ZC3H12B: variants seen among roughly 807,000 people sequenced by gnomAD.
ZC3H12B encodes probable ribonuclease ZC3H12B.
Under a neutral mutation model 43.9 loss-of-function variants are expected in ZC3H12B, and 7 were observed. The ratio of observed to expected loss-of-function variants is 0.16; its 90% confidence interval spans 0.09 to 0.30. The LOEUF (loss-of-function observed/expected upper bound fraction) is 0.30. ZC3H12B is among the 10% of genes least tolerant of loss of function. The pLI, the probability that ZC3H12B is intolerant of heterozygous loss-of-function variation, is 1.00. For synonymous variants in ZC3H12B, 222 were observed against 241.7 expected (o/e 0.92, Z 0.76); for missense variants, 475 against 670.2 (o/e 0.71, Z 3.22).
At chrX:65,236,561 A>T in the ZC3H12B span, among the ~76,000 whole-genome samples, 1 of 111,508 alleles carries the variant, frequency 9.0e-6, no homozygotes, top group Non-Finnish European at 1.9e-5. Context: ...ACTAGGTCCC[A>T]TTTGTCAATT....
chrX:65,126,068 A>C, the ZC3H12B span, among the ~76,000 whole-genome samples: 1 of 104,302 alleles, frequency 9.6e-6, no homozygotes, highest in Non-Finnish European at 1.9e-5. Context: ...TTTTTCATTC[A>C]GAACCTTTAA....
the ZC3H12B span, among the ~76,000 whole-genome samples, chrX:65,060,505 T>G: frequency 8.9e-6 from 1 of 112,448 alleles, no homozygotes; most frequent in Non-Finnish European, 1.9e-5. Flanking sequence ...ATTGCACTGA[T>G]TGGTTTGCAT....
chrX:65,150,256 A>G, the ZC3H12B span, among the ~76,000 whole-genome samples: 1 of 111,493 alleles, frequency 9.0e-6, no homozygotes, highest in Admixed American at 9.6e-5. Context: ...ATGAAGCAAT[A>G]TGAACATTAC....
chrX:65,124,173 A>T, the ZC3H12B span, among the ~76,000 whole-genome samples: 1 of 110,473 alleles, frequency 9.1e-6, no homozygotes, highest in Admixed American at 9.7e-5. Flanking sequence ...ATGCTATGCC[A>T]ATTTTGCTGG....
At position 65,394,813 on chromosome X, in the gene ZC3H12B, T is replaced by G. The variant is rs780138419; in HGVS notation, n.296-3780T>G. Among the ~76,000 whole-genome samples, 20 of 112,262 alleles carry G rather than the reference T, an allele frequency of 1.8e-4. 1 individual carries two copies. The South Asian group carries it at 7.4e-3, about 42-fold the overall frequency. On this transcript the variant is annotated intron_variant and non_coding_transcript_variant, in intron 2 of 5. Coordinates refer to the ZC3H12B transcript ENST00000617377. ...TTGGAGAGTATGGCCATTTTCAAGA[T>G]ATTGATTCTTCCTATCCATAAGCAT...
the ZC3H12B span, among the ~76,000 whole-genome samples, chrX:65,116,519 T>C: frequency 9.0e-6 from 1 of 111,101 alleles, no homozygotes; most frequent in Non-Finnish European, 1.9e-5. Flanking sequence ...AAGACTTGCT[T>C]TGGGTATGCA....
chrX:65,369,845 G>A (rs780115887), intron 2 of ZC3H12B, among the ~76,000 whole-genome samples: 9 of 111,822 alleles, frequency 8.0e-5, no homozygotes, highest in Non-Finnish European at 1.3e-4. Context: ...GCAATGCAAG[G>A]TTAATTCTGA....
the ZC3H12B span, among the ~76,000 whole-genome samples, chrX:65,199,997 G>T: frequency 2.7e-5 from 3 of 111,057 alleles, no homozygotes; most frequent in African/African-American, 9.8e-5. Flanking sequence ...AATTTCAAAT[G>T]ATATTTCTGC....
the ZC3H12B span, among the ~76,000 whole-genome samples, chrX:65,291,237 A>T: frequency 1.8e-5 from 2 of 111,400 alleles, no homozygotes; most frequent in South Asian, 7.5e-4. Context: ...CAGTATGGAA[A>T]TTCCCCGACA....
chrX:65,075,711 C>T, the ZC3H12B span, among the ~76,000 whole-genome samples: 1 of 111,756 alleles, frequency 8.9e-6, no homozygotes, highest in African/African-American at 3.3e-5. Flanking sequence ...CCCTTGTTCT[C>T]AGTAGCCTTC....
At chrX:65,437,716 TTTC>T (rs1188808176) in intron 3 of ZC3H12B, among the ~76,000 whole-genome samples, 1 of 103,707 alleles carries the variant, frequency 9.6e-6, no homozygotes, top group African/African-American at 4.4e-5. Context: ...TCGTTGACTC[TTTC>T]TTTTTTTTCT....
chrX:65,283,245 C>A, the ZC3H12B span, among the ~76,000 whole-genome samples: 2 of 111,802 alleles, frequency 1.8e-5, no homozygotes, highest in African/African-American at 3.2e-5. Flanking sequence ...TCAATAGATG[C>A]AGAAAAGGCC....
the ZC3H12B span, among the ~76,000 whole-genome samples, chrX:65,327,514 T>A: frequency 9.0e-6 from 1 of 111,254 alleles, no homozygotes; most frequent in Non-Finnish European, 1.9e-5. Flanking sequence ...AGATAAAATC[T>A]CTAAAGAAAA....
At chrX:65,416,071 TA>T (rs761239053) in intron 3 of ZC3H12B, among the ~76,000 whole-genome samples, 3 of 111,901 alleles carry the variant, frequency 2.7e-5, no homozygotes, top group African/African-American at 9.7e-5. Flanking sequence ...TGAACAGAAT[TA>T]AACTTCTTCA....
At chrX:65,085,418 A>T in the ZC3H12B span, among the ~76,000 whole-genome samples, 1 of 110,654 alleles carries the variant, frequency 9.0e-6, no homozygotes, top group African/African-American at 3.3e-5. Context: ...AATTAAAAAT[A>T]AAAAAAAATT....
the ZC3H12B span, among the ~76,000 whole-genome samples, chrX:65,054,282 T>A: frequency 8.9e-6 from 1 of 111,914 alleles, no homozygotes; most frequent in African/African-American, 3.3e-5. Context: ...AATTAATTTT[T>A]GTATAAGGTG....
the ZC3H12B span, among the ~76,000 whole-genome samples, chrX:65,331,643 G>A: frequency 9.1e-6 from 1 of 110,139 alleles, no homozygotes; most frequent in African/African-American, 3.3e-5. Flanking sequence ...ATAAAAGAAT[G>A]GCTACTCTAT....
At chrX:65,309,402 T>C in the ZC3H12B span, among the ~76,000 whole-genome samples, 2 of 111,633 alleles carry the variant, frequency 1.8e-5, no homozygotes, top group Non-Finnish European at 3.8e-5. Context: ...CTAGAAGAAA[T>C]GGATAAATTC....
chrX:65,472,896 GTA>G (rs1333326222), intron 3 of ZC3H12B, among the ~76,000 whole-genome samples: 2 of 84,055 alleles, frequency 2.4e-5, no homozygotes, highest in Non-Finnish European at 4.5e-5. Context: ...ATATGTTTGT[GTA>G]TATATATGTT....
Sources: allele counts gnomAD v4.1 joint callset (sites outside exome capture counted in the v4.1 genomes callset), GRCh38; gene constraint gnomAD v4.1.1; transcripts MANE v1.5; gene names NCBI Gene and HGNC (gene_info 2026-07-23, HGNC 2026-07-21).